Variants in MED13L observed in about 807,000 individuals in gnomAD.
The protein encoded by MED13L is mediator of RNA polymerase II transcription subunit 13-like.
MED13L carries 7 observed loss-of-function variants against 220.9 expected under a neutral mutation model. The ratio of observed to expected loss-of-function variants is 0.03; its 90% CI spans 0.02 to 0.06. The LOEUF is 0.06. Among genes scored for constraint, MED13L ranks in the 10% least tolerant of loss-of-function variants. The probability of loss-of-function intolerance (pLI) is 1.00; values close to 1 mark genes in which losing one functional copy is unlikely to be tolerated. For synonymous variants in MED13L, 1,011 were observed against 1,015.2 expected, an observed-to-expected ratio of 1.00 and a Z score of 0.08; for missense variants, 1,965 against 2,760.5, an observed-to-expected ratio of 0.71 and a Z score of 6.46.
intron 4 of MED13L, among the ~76,000 whole-genome samples, chr12:116,064,813 C>T (rs879422111): frequency 6.6e-6 from 1 of 152,184 alleles, no homozygotes; most frequent in Admixed American, 6.5e-5. Context: ...TACCCAATCT[C>T]CACATTGTAG....
intron 4 of MED13L, among the ~76,000 whole-genome samples, chr12:116,093,464 C>T (rs1036217995): frequency 2.0e-5 from 3 of 151,890 alleles, no homozygotes; most frequent in African/African-American, 4.8e-5. Flanking sequence ...ATATTAAGAA[C>T]CCTTTTAGGA....
chr12:115,980,373 G>C (rs1052706998), intron 23 of MED13L: 3 of 221,256 alleles, frequency 1.4e-5, no homozygotes, highest in Non-Finnish European at 2.7e-5. Flanking sequence ...CTCTCCAGGC[G>C]GAAGTGGTTA....
At chr12:116,074,359 C>T (rs1299401505) in intron 4 of MED13L, among the ~76,000 whole-genome samples, 1 of 152,212 alleles carries the variant, frequency 6.6e-6, no homozygotes, top group Non-Finnish European at 1.5e-5. Context: ...CTTGCCACTG[C>T]ACTCTAGCCT....
chr12:116,112,064 T>C (rs1035642154), intron 2 of MED13L, among the ~76,000 whole-genome samples: 2 of 152,300 alleles, frequency 1.3e-5, no homozygotes, highest in South Asian at 2.1e-4. Flanking sequence ...CCTGAATTTA[T>C]AATTTTGTTA....
chr12:116,052,732 C>A (rs1277051795), intron 4 of MED13L, among the ~76,000 whole-genome samples: 3 of 152,182 alleles, frequency 2.0e-5, no homozygotes, highest in African/African-American at 7.2e-5. Flanking sequence ...CTGCTTATAT[C>A]CTCAGTCTCT....
intron 2 of MED13L, among the ~76,000 whole-genome samples, chr12:116,140,820 A>G (rs1224897739): frequency 6.6e-6 from 1 of 152,198 alleles, no homozygotes; most frequent in Non-Finnish European, 1.5e-5. Flanking sequence ...GCTTCTAACT[A>G]AAGTCCATCC....
intron 4 of MED13L, among the ~76,000 whole-genome samples, chr12:116,046,578 G>T (rs1055986311): frequency 6.6e-6 from 1 of 152,192 alleles, no homozygotes; most frequent in Non-Finnish European, 1.5e-5. Flanking sequence ...GCTTCAATTT[G>T]TAAGGGAAAT....
At chr12:116,206,674 G>T (rs1401605426) in intron 2 of MED13L, among the ~76,000 whole-genome samples, 1 of 151,862 alleles carries the variant, frequency 6.6e-6, no homozygotes, top group Non-Finnish European at 1.5e-5. Flanking sequence ...GGAATCCAGA[G>T]CATTAAAAAG....
chr12:116,101,932 T>C (rs1239957473), intron 3 of MED13L, among the ~76,000 whole-genome samples: 3 of 152,198 alleles, frequency 2.0e-5, no homozygotes, highest in African/African-American at 4.8e-5. Flanking sequence ...TCATTATTAT[T>C]GAGATTTTCT....
rs1473959269 is a variant in MED13L, at chr12:116,008,428, A to C, written c.1985T>G (p.Val662Gly). Residue 662 changes from valine (V) to glycine (G), a missense_variant, in exon 10 of 31, where the codon GTA becomes GGA. Around this residue, in one of 10 missense-constraint regions of MED13L, gnomAD observed 818 missense variants for 1,041.2 expected, o/e 0.79. Transcript: ENST00000281928. ...QGERCDAKME[V>G]NSESTALQRL... ...TTGCAATGCAGTGCTCTCTGAGTTT[A>C]CCTCCATTTTGGCATCACATCTCTC... 1 of 1,611,696 alleles carries C rather than the reference A, an allele frequency of 6.2e-7. No homozygotes were observed. Among genetic ancestry groups the C allele is most frequent in the Admixed American group, 1.7e-5 (1 of 59,954 alleles).
intron 2 of MED13L, among the ~76,000 whole-genome samples, chr12:116,123,710 G>C (rs1027223801): frequency 6.6e-6 from 1 of 152,098 alleles, no homozygotes; most frequent in African/African-American, 2.4e-5. Flanking sequence ...GTAACTGTTT[G>C]AAATGCAGCT....
chr12:116,008,085 CACTG>C, intron 10 of MED13L: 1 of 368,194 alleles, frequency 2.7e-6, no homozygotes, highest in South Asian at 5.6e-5. Context: ...ACAAAGAAGG[CACTG>C]ACAGCAGTAT....
chr12:116,014,427 A>G (rs1879602554), intron 8 of MED13L, among the ~76,000 whole-genome samples: 1 of 152,234 alleles, frequency 6.6e-6, no homozygotes, highest in South Asian at 2.1e-4. Context: ...GTTTACATAA[A>G]TCTTGATAAG....
chr12:115,975,482 T>G (rs745543120), intron 24 of MED13L, 33 bp downstream of exon 24: 47 of 1,604,572 alleles, frequency 2.9e-5, no homozygotes, highest in Non-Finnish European at 4.0e-5. Flanking sequence ...ACAGCATTAA[T>G]TTACATGCAC....
rs192234195 is a variant in MED13L at position 115,979,345 on chromosome 12, T to C, written c.5364+1405A>G. On this transcript the variant is annotated intron_variant, in intron 23 of 30. Transcript: ENST00000281928. ...TAACCTTTAGAAAGGCAATAATTCATAATTTCTGGAAACAAAATAAAAAAC... is the reference window on the plus strand; with the variant it reads ...TAACCTTTAGAAAGGCAATAATTCACAATTTCTGGAAACAAAATAAAAAAC... Among the ~76,000 whole-genome samples, 45 of 152,338 alleles carry C rather than the reference T, an allele frequency of 3.0e-4. No homozygotes were observed. In the East Asian group the frequency reaches 8.3e-3, roughly 28 times the overall value.
At chr12:116,041,849 A>G (rs997264406) in intron 4 of MED13L, among the ~76,000 whole-genome samples, 11 of 152,114 alleles carry the variant, frequency 7.2e-5, no homozygotes, top group Admixed American at 2.0e-4. Context: ...CAGACAGACA[A>G]ACAAACAAAC....
At chr12:116,079,510 G>C (rs1871074773) in intron 4 of MED13L, among the ~76,000 whole-genome samples, 1 of 152,030 alleles carries the variant, frequency 6.6e-6, no homozygotes. Context: ...ACGAGCATGA[G>C]CTGTCGCACC....
intron 1 of MED13L, among the ~76,000 whole-genome samples, chr12:116,242,778 C>A (rs1274238319): frequency 6.6e-6 from 1 of 152,154 alleles, no homozygotes; most frequent in Non-Finnish European, 1.5e-5. Flanking sequence ...CTCCCAGAGC[C>A]ACACAGGTAG....
chr12:115,960,598 G>A lies in MED13L; in HGVS notation c.*668C>T, dbSNP rs1331002720. On this transcript the variant is annotated 3_prime_UTR_variant, in exon 31 of 31. Coordinates refer to ENST00000281928, the MANE Select transcript of MED13L (RefSeq NM_015335.5). ...GGATCTGAATTGGGTTTCAGCTACTGTACCTGGTCCTTGTGAATTAAAAAA... is the reference window on the plus strand; with the variant it reads ...GGATCTGAATTGGGTTTCAGCTACTATACCTGGTCCTTGTGAATTAAAAAA... 6.4e-6 allele frequency: 1 copy of A among 157,024 alleles called. No individual in the cohort carries two copies. Among genetic ancestry groups the A allele is most frequent in the Non-Finnish European group, 1.4e-5 (1 of 70,630 alleles). 9.7% of individuals were successfully genotyped at this position (157,024 alleles called of 1,614,324 possible).
Sources: allele counts gnomAD v4.1 joint callset (sites outside exome capture counted in the v4.1 genomes callset), GRCh38; gene constraint gnomAD v4.1.1; regional missense constraint gnomAD v4.1.1; transcripts MANE v1.5; gene names NCBI Gene and HGNC (gene_info 2026-07-23, HGNC 2026-07-21).